KDM4C: variants seen among roughly 807,000 people sequenced by gnomAD.
KDM4C encodes the protein lysine demethylase 4C.
A neutral mutation model predicts 129.3 loss-of-function variants in KDM4C; 81 were observed. The observed-to-expected ratio is 0.63, with a 90% CI of 0.52 to 0.75. The LOEUF (loss-of-function observed/expected upper bound fraction) is 0.75. Among genes scored for constraint, KDM4C ranks in the 30% least tolerant of loss-of-function variants. KDM4C has a pLI of 0.00. For synonymous variants in KDM4C, 573 were observed against 456.1 expected (o/e 1.26, Z -3.26); for missense variants, 1,457 against 1,304.0 (o/e 1.12, Z -1.81).
intron 3 of KDM4C, among the ~76,000 whole-genome samples, chr9:6,810,188 A>T (rs1046645347): frequency 1.3e-5 from 2 of 152,160 alleles, no homozygotes; most frequent in African/African-American, 4.8e-5. Flanking sequence ...TTTCTACTTC[A>T]AGATAATTTT....
intron 8 of KDM4C, among the ~76,000 whole-genome samples, chr9:6,951,904 C>T (rs1332215057): frequency 6.6e-6 from 1 of 152,070 alleles, no homozygotes; most frequent in Non-Finnish European, 1.5e-5. Context: ...GATAATTGAT[C>T]TTTTGTCATT....
chr9:6,942,696 A>G (rs1283311264), intron 8 of KDM4C: 1 of 152,102 alleles, frequency 6.6e-6, no homozygotes, highest in African/African-American at 2.4e-5. Context: ...AATTATTACA[A>G]TTGTGTACTT....
chr9:6,834,255 C>T lies in KDM4C; in HGVS notation c.436-15252C>T, dbSNP rs550199631. ...TTTGCCATGTTGCCCAGGCTGATTT[C>T]GGAACTCCTGAGCTCAAGCAATCTG... On this transcript the variant is annotated intron_variant, in intron 4 of 21. Transcript: ENST00000381309. Among the ~76,000 whole-genome samples, 106 of 152,052 alleles carry T rather than the reference C, an allele frequency of 7.0e-4. 1 individual carries two copies. Among genetic ancestry groups the T allele is most frequent in the Admixed American group, 6.4e-3 (98 of 15,258 alleles).
At chr9:7,173,432 A>G (rs1338369209) in intron 21 of KDM4C, among the ~76,000 whole-genome samples, 1 of 152,196 alleles carries the variant, frequency 6.6e-6, no homozygotes, top group Non-Finnish European at 1.5e-5. Flanking sequence ...TCTTGAAGGC[A>G]GTAGGTTGCT....
At chr9:6,998,694 G>T (rs903538714) in intron 12 of KDM4C, among the ~76,000 whole-genome samples, 2 of 152,160 alleles carry the variant, frequency 1.3e-5, no homozygotes, top group African/African-American at 4.8e-5. Context: ...TACTTGGGAG[G>T]CTGAGGCAAG....
At chr9:7,168,104 C>T (rs1019146886) in intron 20 of KDM4C, among the ~76,000 whole-genome samples, 4 of 152,182 alleles carry the variant, frequency 2.6e-5, no homozygotes, top group Admixed American at 6.5e-5. Context: ...AGAAGAATCA[C>T]TTGAACCCAG....
intron 1 of KDM4C, among the ~76,000 whole-genome samples, chr9:6,747,319 G>C (rs1057244481): frequency 1.3e-5 from 2 of 151,434 alleles, no homozygotes; most frequent in African/African-American, 4.9e-5. Flanking sequence ...AGGCCGAGAG[G>C]GGCGGATCGC....
At chr9:6,790,671 A>T (rs1054383794) in intron 1 of KDM4C, among the ~76,000 whole-genome samples, 7 of 150,436 alleles carry the variant, frequency 4.7e-5, no homozygotes, top group African/African-American at 1.7e-4. Context: ...AAAAAAAAAA[A>T]AAAAAAAAAA....
At chr9:6,960,455 C>T (rs1420694604) in intron 8 of KDM4C, among the ~76,000 whole-genome samples, 1 of 151,602 alleles carries the variant, frequency 6.6e-6, no homozygotes, top group Admixed American at 6.6e-5. Context: ...AGGGGTCACT[C>T]TCTTTGTTTC....
At chr9:7,113,799 G>A (rs999410735) in intron 18 of KDM4C, among the ~76,000 whole-genome samples, 4 of 152,190 alleles carry the variant, frequency 2.6e-5, no homozygotes. Flanking sequence ...CAGAGGACTG[G>A]TACTTCTCAG....
chr9:6,944,652 G>GTTTTTTTTTTTGTTTTTTTTTTT (rs1826562937), intron 8 of KDM4C, among the ~76,000 whole-genome samples: 1 of 80,990 alleles, frequency 1.2e-5, no homozygotes, highest in Non-Finnish European at 2.2e-5. Context: ...CAAGGTAGAG[G>GTTTTTTTTTTTGTTTTTTTTTTT]TTTTTTTTTT....
chr9:6,810,285 C>T (rs1346728200), intron 3 of KDM4C, among the ~76,000 whole-genome samples: 1 of 152,156 alleles, frequency 6.6e-6, no homozygotes, highest in African/African-American at 2.4e-5. Context: ...GATAGCCATT[C>T]AGGTGACATT....
At chr9:7,064,836 A>G (rs565596943) in intron 17 of KDM4C, among the ~76,000 whole-genome samples, 1 of 152,304 alleles carries the variant, frequency 6.6e-6, no homozygotes, top group Admixed American at 6.5e-5. Context: ...GGGGACAGTG[A>G]ACAACTGTCT....
rs145198635 is a variant in KDM4C, at chr9:6,931,696, T to G, written c.921+38464T>G. ...TTGTAGTTTTTGTAGAGTTGGGGTT[T>G]CACCATGTTGCCTAGGCTGGTCTTG... is the stretch of plus-strand genomic sequence containing the variant. On this transcript the variant is annotated intron_variant, in intron 8 of 21. Coordinates refer to ENST00000381309, the MANE Select transcript of KDM4C (RefSeq NM_015061.6). 3.2e-3 allele frequency among the ~76,000 whole-genome samples: 492 copies of G among 152,270 alleles called. 2 individuals are homozygous for G. The highest frequency in any genetic ancestry group is 0.011 in the African/African-American group (438 of 41,542).
At chr9:7,002,788 G>C (rs530792954) in intron 12 of KDM4C, among the ~76,000 whole-genome samples, 20 of 152,262 alleles carry the variant, frequency 1.3e-4, no homozygotes, top group African/African-American at 4.6e-4. Flanking sequence ...GAATTCACTT[G>C]TCCTAGATCA....
chr9:7,008,164 G>A (rs1182227196), intron 12 of KDM4C, among the ~76,000 whole-genome samples: 1 of 152,178 alleles, frequency 6.6e-6, no homozygotes, highest in Non-Finnish European at 1.5e-5. Flanking sequence ...TGTGTGGGAA[G>A]GAGAGTGATG....
chr9:6,895,026 A>G (rs1352799625), intron 8 of KDM4C, among the ~76,000 whole-genome samples: 3 of 152,214 alleles, frequency 2.0e-5, no homozygotes, highest in Non-Finnish European at 4.4e-5. Context: ...CAGTGCTACA[A>G]TGCAGTTTTG....
intron 3 of KDM4C, among the ~76,000 whole-genome samples, chr9:6,811,560 G>T (rs1831151426): frequency 6.6e-6 from 1 of 152,152 alleles, no homozygotes; most frequent in African/African-American, 2.4e-5. Flanking sequence ...AAAACCTAGA[G>T]ATTTCCGATA....
exon 1 of KDM4C, chr9:6,720,939 AG>A: frequency 6.4e-7 from 1 of 1,551,464 alleles, no homozygotes; most frequent in East Asian, 2.4e-5. Flanking sequence ...AAGAGGCTAA[AG>A]GATGTTTGAT....
Sources: allele counts gnomAD v4.1 joint callset (sites outside exome capture counted in the v4.1 genomes callset), GRCh38; gene constraint gnomAD v4.1.1; transcripts MANE v1.5; gene names NCBI Gene and HGNC (gene_info 2026-07-23, HGNC 2026-07-21).